PRR16: variants seen among roughly 807,000 people sequenced by gnomAD.
PRR16 encodes the protein proline rich 16.
A neutral mutation model predicts 18.2 loss-of-function variants in PRR16; 6 were observed. The ratio of observed to expected loss-of-function variants is 0.33; its 90% CI spans 0.18 to 0.65. PRR16 has a LOEUF of 0.65. Ranked by LOEUF, PRR16 falls within the 30% of genes least tolerant of loss-of-function variation. PRR16 has a pLI of 0.74. For synonymous variants in PRR16, 151 were observed against 147.8 expected (o/e 1.02, Z -0.16); for missense variants, 412 against 376.6 (o/e 1.09, Z -0.78).
chr5:120,644,752 G>A (rs901350666), intron 1 of PRR16, among the ~76,000 whole-genome samples: 1 of 152,106 alleles, frequency 6.6e-6, no homozygotes, highest in African/African-American at 2.4e-5. Context: ...AATGGATGAT[G>A]CCTGTATTTC....
At chr5:120,788,082 A>C in the PRR16 span, among the ~76,000 whole-genome samples, 1 of 151,552 alleles carries the variant, frequency 6.6e-6, no homozygotes, top group East Asian at 1.9e-4. Flanking sequence ...TTAAATTTCA[A>C]TTCAAATGCC....
At chr5:120,523,773 G>A (rs1001786673) in intron 1 of PRR16, among the ~76,000 whole-genome samples, 8 of 141,698 alleles carry the variant, frequency 5.6e-5, no homozygotes, top group Non-Finnish European at 1.2e-4. Flanking sequence ...CAGAGTGAGT[G>A]TGTATATATG....
At chr5:120,616,036 G>A (rs1399280832) in intron 1 of PRR16, among the ~76,000 whole-genome samples, 2 of 152,120 alleles carry the variant, frequency 1.3e-5, no homozygotes, top group Non-Finnish European at 2.9e-5. Flanking sequence ...TGAGAATAAC[G>A]TGCCCTTTCT....
At chr5:120,787,428 T>G in the PRR16 span, among the ~76,000 whole-genome samples, 362 of 152,276 alleles carry the variant, frequency 2.4e-3, 2 homozygotes, top group Non-Finnish European at 3.8e-3. Context: ...ATACATTCCT[T>G]TAATATCCAA....
intron 1 of PRR16, among the ~76,000 whole-genome samples, chr5:120,616,757 T>C (rs1754523601): frequency 6.6e-6 from 1 of 152,164 alleles, no homozygotes; most frequent in African/African-American, 2.4e-5. Context: ...AGTGGTAACC[T>C]ACAAAGCATC....
At chr5:120,630,633 A>G (rs1755021277) in intron 1 of PRR16, among the ~76,000 whole-genome samples, 1 of 152,068 alleles carries the variant, frequency 6.6e-6, no homozygotes, top group African/African-American at 2.4e-5. Context: ...TCTACCTTGA[A>G]TAGATATATT....
intron 1 of PRR16, among the ~76,000 whole-genome samples, chr5:120,647,978 C>T (rs920626769): frequency 1.3e-5 from 2 of 151,856 alleles, no homozygotes; most frequent in African/African-American, 4.8e-5. Flanking sequence ...TTAGATATAG[C>T]ATTTTGGAAA....
At chr5:120,619,058 A>G (rs1754604294) in intron 1 of PRR16, among the ~76,000 whole-genome samples, 1 of 152,174 alleles carries the variant, frequency 6.6e-6, no homozygotes, top group Non-Finnish European at 1.5e-5. Flanking sequence ...TATCTAGAAG[A>G]AATTACATGG....
the PRR16 span, among the ~76,000 whole-genome samples, chr5:120,757,811 A>G: frequency 2.0e-5 from 3 of 150,634 alleles, no homozygotes; most frequent in Non-Finnish European, 4.5e-5. Context: ...GTAGTGACTG[A>G]TATACTCAAA....
chr5:120,474,089 G>A (rs1187469331), intron 1 of PRR16, among the ~76,000 whole-genome samples: 1 of 152,144 alleles, frequency 6.6e-6, no homozygotes, highest in East Asian at 1.9e-4. Context: ...AGGAGTGGAC[G>A]AGCAGGGCAA....
At chr5:120,744,672 C>G in the PRR16 span, among the ~76,000 whole-genome samples, 3 of 152,202 alleles carry the variant, frequency 2.0e-5, no homozygotes, top group Admixed American at 2.0e-4. Context: ...TCTCACCTGA[C>G]TCACTTATAA....
intron 1 of PRR16, among the ~76,000 whole-genome samples, chr5:120,482,553 T>G (rs1334793640): frequency 6.6e-6 from 1 of 152,214 alleles, no homozygotes; most frequent in Non-Finnish European, 1.5e-5. Flanking sequence ...AGATTGATTC[T>G]ATGTCTTTGC....
chr5:120,470,587 A>G (rs1323460658), intron 1 of PRR16, among the ~76,000 whole-genome samples: 2 of 152,110 alleles, frequency 1.3e-5, no homozygotes, highest in East Asian at 3.8e-4. Flanking sequence ...AATATTGGGT[A>G]TTCTATTTAT....
chr5:120,561,574 A>T (rs1012472747), intron 1 of PRR16, among the ~76,000 whole-genome samples: 3 of 152,136 alleles, frequency 2.0e-5, no homozygotes, highest in Non-Finnish European at 4.4e-5. Flanking sequence ...TGCTGAAGAA[A>T]AGAATGTGTA....
At chr5:120,767,585 T>C in the PRR16 span, among the ~76,000 whole-genome samples, 1 of 151,784 alleles carries the variant, frequency 6.6e-6, no homozygotes, top group Admixed American at 6.6e-5. Context: ...TTCAGTAATC[T>C]CACCTCCCTG....
At chr5:120,499,601 G>A (rs1184260081) in intron 1 of PRR16, among the ~76,000 whole-genome samples, 2 of 151,860 alleles carry the variant, frequency 1.3e-5, no homozygotes, top group African/African-American at 2.4e-5. Flanking sequence ...ACTTACATTT[G>A]ACTCCTCTCT....
chr5:120,661,935 T>C (rs1361226186), intron 1 of PRR16, among the ~76,000 whole-genome samples: 1 of 152,220 alleles, frequency 6.6e-6, no homozygotes, highest in East Asian at 1.9e-4. Context: ...ATTTGACTAT[T>C]TGCAGGGACT....
At chr5:120,532,873 T>C (rs1185226650) in intron 1 of PRR16, among the ~76,000 whole-genome samples, 1 of 152,188 alleles carries the variant, frequency 6.6e-6, no homozygotes, top group East Asian at 1.9e-4. Flanking sequence ...CTTTTGTAAA[T>C]GTCATTACAG....
At chr5:120,498,534 T>G (rs937465676) in intron 1 of PRR16, among the ~76,000 whole-genome samples, 1 of 151,830 alleles carries the variant, frequency 6.6e-6, no homozygotes, top group African/African-American at 2.4e-5. Flanking sequence ...AGTGCCATAC[T>G]TTCTTTTTCA....
Sources: allele counts gnomAD v4.1 joint callset (sites outside exome capture counted in the v4.1 genomes callset), GRCh38; gene constraint gnomAD v4.1.1; transcripts MANE v1.5; gene names NCBI Gene and HGNC (gene_info 2026-07-23, HGNC 2026-07-21).